The following SLC4A4 variants were observed in gnomAD, a reference collection of about 807,000 sequenced individuals.
SLC4A4 encodes electrogenic sodium bicarbonate cotransporter 1.
In SLC4A4, 27 loss-of-function variants were observed where a neutral mutation model predicts 111.5. That is an observed-to-expected ratio of 0.24 (90% CI 0.18 to 0.33). SLC4A4 has a LOEUF of 0.33. Among genes scored for constraint, SLC4A4 ranks in the 10% least tolerant of loss-of-function variants. The pLI, the probability that SLC4A4 is intolerant of heterozygous loss-of-function variation, is 1.00. For missense variants in SLC4A4, 909 were observed against 1,315.5 expected, an observed-to-expected ratio of 0.69 and a Z score of 4.78; for synonymous variants, 443 against 463.4, an observed-to-expected ratio of 0.96 and a Z score of 0.57.
chr4:71,175,843 C>A (rs1269904779), intron 2 of SLC4A4, among the ~76,000 whole-genome samples: 1 of 152,182 alleles, frequency 6.6e-6, no homozygotes, highest in Non-Finnish European at 1.5e-5. Context: ...GTTCTCCAAG[C>A]ACACAGCTGG....
chr4:71,442,643 T>G (rs938704986), intron 8 of SLC4A4, among the ~76,000 whole-genome samples: 1 of 152,226 alleles, frequency 6.6e-6, no homozygotes, highest in Non-Finnish European at 1.5e-5. Context: ...TGTTTTAATG[T>G]GCATGCTACT....
Position 71,216,128 on chromosome 4 carries a change from C to T in SLC4A4, c.-1-20448C>T, listed in dbSNP as rs1301161253. ...TTCACCATGTTGGCCATGCTGGTCT[C>T]GAACTCCTGGCCTCAAGTGATCCAC... On this transcript the variant is annotated intron_variant, in intron 1 of 25. Coordinates refer to ENST00000264485, the MANE Select transcript of SLC4A4 (RefSeq NM_001098484.3). 3.9e-5 allele frequency among the ~76,000 whole-genome samples: 6 copies of T among 152,012 alleles called. No homozygotes were observed. The South Asian group carries it at 6.2e-4, about 16-fold the overall frequency.
At chr4:71,529,994 C>T (rs1733771691) in intron 16 of SLC4A4, among the ~76,000 whole-genome samples, 1 of 152,130 alleles carries the variant, frequency 6.6e-6, no homozygotes, top group African/African-American at 2.4e-5. Flanking sequence ...CCACCCTGAA[C>T]TGCCAGTGTC....
At chr4:71,254,047 A>G (rs1328531056) in intron 2 of SLC4A4, among the ~76,000 whole-genome samples, 1 of 152,154 alleles carries the variant, frequency 6.6e-6, no homozygotes, top group Non-Finnish European at 1.5e-5. Flanking sequence ...AGTTCATGAC[A>G]GTTTGTATCA....
rs114241976 is a variant in SLC4A4 at position 71,194,788 on chromosome 4, A to G, written c.-2+7387A>G. On this transcript the variant is annotated intron_variant, in intron 1 of 25. Coordinates refer to ENST00000264485, the MANE Select transcript of SLC4A4 (RefSeq NM_001098484.3). ...CTCCAGTGCTAATACTTTGGAAACC[A>G]TGTTTTGTGTAAAATTGAACATTCA... is the stretch of plus-strand genomic sequence containing the variant. Among the ~76,000 whole-genome samples the G allele has an allele frequency of 3.8e-3, 577 of 152,328 alleles. 4 individuals carry two copies. The highest frequency in any genetic ancestry group is 5.4e-3 in the Admixed American group (82 of 15,300).
intron 16 of SLC4A4, among the ~76,000 whole-genome samples, chr4:71,513,715 G>A (rs544968863): frequency 2.9e-4 from 44 of 152,276 alleles, no homozygotes; most frequent in African/African-American, 1.0e-3. Flanking sequence ...AGTTCTTAGA[G>A]GAAGGGCTTT....
intron 18 of SLC4A4, among the ~76,000 whole-genome samples, chr4:71,544,539 C>T (rs1040244680): frequency 6.6e-6 from 1 of 152,006 alleles, no homozygotes; most frequent in Non-Finnish European, 1.5e-5. Context: ...CTGTAGGCTC[C>T]ACCTTAAGGT....
chr4:71,566,715 G>T (rs1737501434), intron 24 of SLC4A4, among the ~76,000 whole-genome samples: 1 of 151,706 alleles, frequency 6.6e-6, no homozygotes. Flanking sequence ...CCAAAAGCAA[G>T]CCTTAGGCAT....
intron 3 of SLC4A4, among the ~76,000 whole-genome samples, chr4:71,328,139 T>C (rs1207506713): frequency 1.3e-5 from 2 of 152,238 alleles, no homozygotes; most frequent in Admixed American, 1.3e-4. Context: ...ATCCATCTTA[T>C]TGCAAATGAC....
At chr4:71,546,268 C>T (rs970572763) in intron 18 of SLC4A4, 82 bp from the exon 19 acceptor site, 1 of 1,228,556 alleles carries the variant, frequency 8.1e-7, no homozygotes, top group East Asian at 2.3e-5. Flanking sequence ...TTCCTTTGGT[C>T]ATCTTAATTC....
chr4:71,419,409 C>G (rs1560490347), intron 7 of SLC4A4, among the ~76,000 whole-genome samples: 1 of 152,232 alleles, frequency 6.6e-6, no homozygotes, highest in Non-Finnish European at 1.5e-5. Context: ...GCAGGCGCCC[C>G]TCCCCCAGCC....
intron 2 of SLC4A4, among the ~76,000 whole-genome samples, chr4:71,135,084 T>C (rs765493940): frequency 9.9e-5 from 15 of 152,074 alleles, no homozygotes; most frequent in Non-Finnish European, 4.4e-5. Context: ...TTCTTTAGCA[T>C]AAGTTCCATG....
intron 2 of SLC4A4, among the ~76,000 whole-genome samples, chr4:71,158,495 T>C (rs1416215254): frequency 6.6e-6 from 1 of 152,198 alleles, no homozygotes; most frequent in Non-Finnish European, 1.5e-5. Flanking sequence ...ATTGAGGTTT[T>C]AAATACCCCC....
intron 1 of SLC4A4, among the ~76,000 whole-genome samples, chr4:71,064,964 TG>T (rs1304009974): frequency 6.6e-6 from 1 of 152,224 alleles, no homozygotes; most frequent in Non-Finnish European, 1.5e-5. Context: ...TTCTGTTTAT[TG>T]CCTCCTCTTC....
intron 3 of SLC4A4, among the ~76,000 whole-genome samples, chr4:71,277,634 TCTCA>T (rs1723181594): frequency 1.3e-5 from 2 of 150,154 alleles, no homozygotes; most frequent in Non-Finnish European, 3.0e-5. Flanking sequence ...TTCCTCTCTC[TCTCA>T]TTCACTTCTC....
At chr4:71,076,461 G>A (rs543178503) in intron 1 of SLC4A4, among the ~76,000 whole-genome samples, 1 of 151,952 alleles carries the variant, frequency 6.6e-6, no homozygotes, top group Non-Finnish European at 1.5e-5. Flanking sequence ...AAACCCGGGA[G>A]GAGGAGGTTG....
chr4:71,348,313 T>TCACACACACA lies in SLC4A4; in HGVS notation c.390-1567_390-1558dup, dbSNP rs35326504. 2.3e-3 allele frequency among the ~76,000 whole-genome samples: 324 copies of TCACACACACA among 143,842 alleles called. 3 individuals carry two copies. The South Asian group carries it at 0.025, about 11-fold the overall frequency. 94.4% of individuals were successfully genotyped at this position (143,842 alleles called of 152,430 possible). A position where few individuals can be genotyped will look rare whatever the true frequency, so the allele number is the denominator to read the frequency against. The stretch of plus-strand genomic sequence containing the variant: ...TCAAAGTGAAGAAATACTAATTTAG[T>TCACACACACA]CACACACACACACACACACACACAC... On this transcript the variant is annotated intron_variant, in intron 4 of 25. Coordinates refer to ENST00000264485, the MANE Select transcript of SLC4A4 (RefSeq NM_001098484.3).
At chr4:71,524,611 A>G (rs1427689865) in intron 16 of SLC4A4, among the ~76,000 whole-genome samples, 3 of 152,086 alleles carry the variant, frequency 2.0e-5, no homozygotes, top group Non-Finnish European at 4.4e-5. Flanking sequence ...GAATCAAAGT[A>G]CAGTGAATTA....
At chr4:71,515,314 T>C in intron 16 of SLC4A4, among the ~76,000 whole-genome samples, 1 of 152,198 alleles carries the variant, frequency 6.6e-6, no homozygotes, top group East Asian at 1.9e-4. Context: ...TTTCTAGTTT[T>C]ATTCCATTGT....
Sources: gnomAD v4.1 joint callset for allele counts (sites outside exome capture counted in the v4.1 genomes callset) on GRCh38, gnomAD v4.1.1 for gene constraint, MANE v1.5 for transcripts, NCBI Gene and HGNC (gene_info 2026-07-23, HGNC 2026-07-21) for gene names.